Variants in SHISA6 observed in about 807,000 individuals in gnomAD.
SHISA6 encodes protein shisa-6.
In SHISA6, 22 loss-of-function variants were observed where a neutral mutation model predicts 47.9. That is an observed-to-expected ratio of 0.46 (90% CI 0.33 to 0.66). The LOEUF is 0.66. SHISA6 is among the 30% of genes least tolerant of loss of function. The pLI, the probability that SHISA6 is intolerant of heterozygous loss-of-function variation, is 0.02. For synonymous variants in SHISA6, 388 were observed against 337.8 expected (o/e 1.15, Z -1.63); for missense variants, 680 against 764.6 (o/e 0.89, Z 1.30).
At chr17:11,288,312 A>G (rs1909393647) in intron 2 of SHISA6, 1 of 152,238 alleles carries the variant, frequency 6.6e-6, no homozygotes, top group African/African-American at 2.4e-5. Context: ...CATGGAAGAT[A>G]GTAGTCTTTT....
intron 3 of SHISA6, among the ~76,000 whole-genome samples, chr17:11,470,863 T>G (rs1915919043): frequency 6.6e-6 from 1 of 152,064 alleles, no homozygotes; most frequent in African/African-American, 2.4e-5. Flanking sequence ...CAAGGGATAA[T>G]GCAGTCCCCA....
chr17:11,362,526 G>T (rs1912322538), intron 2 of SHISA6, among the ~76,000 whole-genome samples: 1 of 152,162 alleles, frequency 6.6e-6, no homozygotes, highest in Non-Finnish European at 1.5e-5. Context: ...AATACATCTT[G>T]ATTTCTAATG....
intron 3 of SHISA6, among the ~76,000 whole-genome samples, chr17:11,541,280 A>C (rs2142378993): frequency 6.6e-6 from 1 of 152,278 alleles, no homozygotes; most frequent in East Asian, 1.9e-4. Flanking sequence ...GTGGCTTTTG[A>C]GCCACATCCA....
chr17:11,481,898 A>AT lies in SHISA6; in HGVS notation c.896-69998_896-69997insT, dbSNP rs1916233574. ...TGGCAAAGAGCAAAATTGATGCCAT[A>AT]AAAAAATGCCATAAAAAATGCCATA... On this transcript the variant is annotated intron_variant, in intron 3 of 5. Coordinates refer to ENST00000441885, the MANE Select transcript of SHISA6 (RefSeq NM_207386.4). Among the ~76,000 whole-genome samples, 5 of 152,258 alleles carry AT rather than the reference A, an allele frequency of 3.3e-5. No homozygotes were observed. In the South Asian group the frequency reaches 1.0e-3, roughly 32 times the overall value.
intron 1 of SHISA6, among the ~76,000 whole-genome samples, chr17:11,254,560 A>C (rs1597423449): frequency 6.6e-6 from 1 of 152,250 alleles, no homozygotes. Context: ...CTCTTTTGGC[A>C]CCACCTGCCC....
chr17:11,451,874 G>A (rs1597522272), intron 3 of SHISA6, among the ~76,000 whole-genome samples: 1 of 152,236 alleles, frequency 6.6e-6, no homozygotes, highest in Admixed American at 6.5e-5. Context: ...CGGTGAGGAA[G>A]ATTGCAGAAG....
intron 3 of SHISA6, among the ~76,000 whole-genome samples, chr17:11,457,899 C>G (rs796878862): frequency 6.6e-6 from 1 of 151,936 alleles, no homozygotes; most frequent in Non-Finnish European, 1.5e-5. Context: ...TCCTGGCTAA[C>G]GTGGTAAAAC....
chr17:11,543,910 C>CAAAAAAAAAAAAAAAAAAAAAAAA (rs200573876), intron 3 of SHISA6, among the ~76,000 whole-genome samples: 2 of 96,390 alleles, frequency 2.1e-5, no homozygotes, highest in Non-Finnish European at 4.6e-5. Flanking sequence ...TATTTATAAG[C>CAAAAAAAAAAAAAAAAAAAAAAAA]AAAAAAAAAA....
At chr17:11,258,323 A>G (rs951170724) in intron 1 of SHISA6, among the ~76,000 whole-genome samples, 1 of 152,226 alleles carries the variant, frequency 6.6e-6, no homozygotes, top group Non-Finnish European at 1.5e-5. Flanking sequence ...AAATCCAGAG[A>G]CGTGGCAGAG....
At chr17:11,327,947 GTC>G (rs35735045) in intron 2 of SHISA6, among the ~76,000 whole-genome samples, 5 of 150,664 alleles carry the variant, frequency 3.3e-5, no homozygotes, top group African/African-American at 7.3e-5. Context: ...CTGTCTCTCT[GTC>G]TCTCTCTCTC....
intron 2 of SHISA6, among the ~76,000 whole-genome samples, chr17:11,304,242 G>A (rs909411262): frequency 2.6e-5 from 4 of 152,230 alleles, no homozygotes; most frequent in African/African-American, 9.6e-5. Context: ...GGAGTTGGAC[G>A]AAGGCACTGG....
At chr17:11,440,897 T>G (rs1597514901) in intron 3 of SHISA6, among the ~76,000 whole-genome samples, 1 of 149,014 alleles carries the variant, frequency 6.7e-6, no homozygotes. Flanking sequence ...AGAGAGGAGG[T>G]GGGATAAAGA....
intron 3 of SHISA6, among the ~76,000 whole-genome samples, chr17:11,396,424 C>G (rs992100605): frequency 6.6e-6 from 1 of 152,156 alleles, no homozygotes. Context: ...GTCTTTGCTA[C>G]TGTGAACAGT....
chr17:11,288,119 T>C (rs1909384821), intron 2 of SHISA6: 1 of 152,212 alleles, frequency 6.6e-6, no homozygotes, highest in South Asian at 2.1e-4. Flanking sequence ...AGGATGAATC[T>C]GAAAAGAAAA....
chr17:11,398,326 G>A (rs1396402964), intron 3 of SHISA6, among the ~76,000 whole-genome samples: 3 of 152,162 alleles, frequency 2.0e-5, no homozygotes, highest in Non-Finnish European at 4.4e-5. Flanking sequence ...TGGTGATGAT[G>A]ATGATGAGGA....
chr17:11,339,194 C>T (rs1453224854), intron 2 of SHISA6, among the ~76,000 whole-genome samples: 1 of 151,028 alleles, frequency 6.6e-6, no homozygotes, highest in African/African-American at 2.4e-5. Context: ...AACCACGAGG[C>T]CACTAAATTG....
At chr17:11,458,784 C>T (rs1421574380) in intron 3 of SHISA6, among the ~76,000 whole-genome samples, 1 of 152,230 alleles carries the variant, frequency 6.6e-6, no homozygotes, top group Admixed American at 6.5e-5. Context: ...CTGCTGCTTA[C>T]TCCCTGTGTG....
chr17:11,378,663 C>T (rs1912899910), intron 2 of SHISA6, among the ~76,000 whole-genome samples: 1 of 152,112 alleles, frequency 6.6e-6, no homozygotes, highest in South Asian at 2.1e-4. Context: ...ATCCACAATC[C>T]TAACCTGCCC....
chr17:11,417,232 G>A (rs1443973171), intron 3 of SHISA6, among the ~76,000 whole-genome samples: 1 of 152,066 alleles, frequency 6.6e-6, no homozygotes, highest in Non-Finnish European at 1.5e-5. Flanking sequence ...AAGTTTGACT[G>A]GGTTTTTTCA....
Sources: gnomAD v4.1 joint callset for allele counts (sites outside exome capture counted in the v4.1 genomes callset) on GRCh38, gnomAD v4.1.1 for gene constraint, MANE v1.5 for transcripts, NCBI Gene and HGNC (gene_info 2026-07-23, HGNC 2026-07-21) for gene names.